The following NRG1 variants were observed in gnomAD, a reference collection of about 807,000 sequenced individuals.
NRG1 encodes the protein pro-neuregulin-1, membrane-bound isoform.
In NRG1, 18 loss-of-function variants were observed where a neutral mutation model predicts 63.8. The observed-to-expected ratio is 0.28, with a 90% CI of 0.19 to 0.42. NRG1 has a LOEUF of 0.42. NRG1 is among the 10% of genes least tolerant of loss of function. The pLI is 1.00. For synonymous variants in NRG1, 302 were observed against 301.3 expected, an observed-to-expected ratio of 1.00 and a Z score of -0.02; for missense variants, 762 against 814.7, an observed-to-expected ratio of 0.94 and a Z score of 0.79.
intron 1 of NRG1, among the ~76,000 whole-genome samples, chr8:32,274,772 T>A (rs1243491915): frequency 6.6e-6 from 1 of 152,186 alleles, no homozygotes; most frequent in African/African-American, 2.4e-5. Flanking sequence ...AATCAAGTTC[T>A]GCTATTTTAA....
intron 1 of NRG1, among the ~76,000 whole-genome samples, chr8:31,870,690 C>G (rs1479509409): frequency 1.3e-5 from 2 of 152,104 alleles, no homozygotes; most frequent in South Asian, 2.1e-4. Context: ...GGGCATTTCT[C>G]AGAGTCACTT....
At chr8:32,703,320 T>G (rs1161739479) in intron 5 of NRG1, among the ~76,000 whole-genome samples, 2 of 152,158 alleles carry the variant, frequency 1.3e-5, no homozygotes, top group Non-Finnish European at 2.9e-5. Flanking sequence ...ATAAATATTA[T>G]TAGTTCCGAA....
chr8:32,047,372 A>T (rs1384148274), intron 1 of NRG1, among the ~76,000 whole-genome samples: 3 of 152,126 alleles, frequency 2.0e-5, no homozygotes, highest in Admixed American at 6.6e-5. Context: ...CTATAAAAAG[A>T]TAAAGGCAGC....
At chr8:32,584,787 A>G (rs1485107306) in intron 1 of NRG1, among the ~76,000 whole-genome samples, 9 of 152,204 alleles carry the variant, frequency 5.9e-5, no homozygotes, top group Admixed American at 4.6e-4. Flanking sequence ...TAGGGAACTA[A>G]TGTTCTTAGA....
intron 1 of NRG1, among the ~76,000 whole-genome samples, chr8:32,433,086 A>G (rs1818356430): frequency 6.6e-6 from 1 of 152,094 alleles, no homozygotes; most frequent in Admixed American, 6.6e-5. Flanking sequence ...TCTGCCCCAC[A>G]GCTATTTTGA....
intron 1 of NRG1, among the ~76,000 whole-genome samples, chr8:32,556,687 G>A (rs990243294): frequency 1.3e-5 from 2 of 152,180 alleles, no homozygotes; most frequent in African/African-American, 2.4e-5. Flanking sequence ...AGGTGAAAAT[G>A]CATCTCATTA....
At chr8:31,794,400 T>C (rs970328134) in intron 1 of NRG1, among the ~76,000 whole-genome samples, 2 of 151,726 alleles carry the variant, frequency 1.3e-5, no homozygotes, top group African/African-American at 4.8e-5. Context: ...TTAGCTGTTA[T>C]AAATGATACA....
At chr8:31,987,357 T>TGTGTGTGTGTGTGA in intron 1 of NRG1, among the ~76,000 whole-genome samples, 1 of 149,336 alleles carries the variant, frequency 6.7e-6, no homozygotes, top group African/African-American at 2.5e-5. Flanking sequence ...TGTATGTGTG[T>TGTGTGTGTGTGTGA]GAAATTATGA....
intron 5 of NRG1, among the ~76,000 whole-genome samples, chr8:32,673,295 T>G (rs2128898867): frequency 6.6e-6 from 1 of 152,336 alleles, no homozygotes; most frequent in East Asian, 1.9e-4. Context: ...CACTATCATA[T>G]AAGAGGGTAG....
Position 32,463,874 on chromosome 8 carries a change from C to CTTTTTTTTTTTTTTTTTTTTTT in NRG1, c.38-131936_38-131915dup, listed in dbSNP as rs756489856. The stretch of plus-strand genomic sequence containing the variant: ...ACACACACGAAAAAAACTTAGAATT[C>CTTTTTTTTTTTTTTTTTTTTTT]TTTTTTTTTTTTTTTTTTTTTTTTT... On this transcript the variant is annotated intron_variant, in intron 1 of 10. Transcript: ENST00000519301. 7.1e-5 allele frequency among the ~76,000 whole-genome samples: 3 copies of CTTTTTTTTTTTTTTTTTTTTTT among 42,338 alleles called. 1 individual carries two copies. The highest frequency in any genetic ancestry group is 2.4e-3 in the East Asian group (2 of 842). The allele number at this position is 42,338 out of a possible 152,430, so 27.8% of individuals were successfully genotyped here.
chr8:32,127,577 TGAG>T (rs1295277044), intron 1 of NRG1, among the ~76,000 whole-genome samples: 4 of 147,682 alleles, frequency 2.7e-5, no homozygotes, highest in Admixed American at 6.8e-5. Context: ...TCAAAAAAAA[TGAG>T]GAGATCTTGG....
intron 1 of NRG1, among the ~76,000 whole-genome samples, chr8:32,306,589 C>A (rs1365067338): frequency 6.6e-6 from 1 of 152,176 alleles, no homozygotes; most frequent in African/African-American, 2.4e-5. Context: ...ATTATGACTG[C>A]AAATACATTA....
intron 1 of NRG1, among the ~76,000 whole-genome samples, chr8:32,520,822 C>A (rs751871521): frequency 5.3e-5 from 8 of 152,144 alleles, no homozygotes; most frequent in Non-Finnish European, 1.0e-4. Context: ...GAAATCTCGC[C>A]CATCCTGTTC....
chr8:32,130,889 A>T (rs1834723172), intron 1 of NRG1, among the ~76,000 whole-genome samples: 1 of 151,974 alleles, frequency 6.6e-6, no homozygotes, highest in South Asian at 2.1e-4. Flanking sequence ...GATGAGTTTC[A>T]GGTCATTACA....
intron 5 of NRG1, among the ~76,000 whole-genome samples, chr8:32,695,459 T>C (rs1813044968): frequency 6.6e-6 from 1 of 152,150 alleles, no homozygotes; most frequent in Non-Finnish European, 1.5e-5. Context: ...AAAAGCAATG[T>C]ACCCTTATCA....
At chr8:32,103,441 A>C (rs749930268) in intron 1 of NRG1, among the ~76,000 whole-genome samples, 15 of 152,198 alleles carry the variant, frequency 9.9e-5, no homozygotes, top group Non-Finnish European at 1.9e-4. Flanking sequence ...GTGTTGATGG[A>C]TACTTAGGTT....
At chr8:31,981,958 G>GTA (rs1385577947) in intron 1 of NRG1, among the ~76,000 whole-genome samples, 3 of 151,782 alleles carry the variant, frequency 2.0e-5, no homozygotes, top group Non-Finnish European at 4.4e-5. Context: ...AATGGTAGAG[G>GTA]TGGTGGGTGA....
intron 1 of NRG1, among the ~76,000 whole-genome samples, chr8:31,659,564 G>C (rs28582431): frequency 0.22 from 33,064 of 151,876 alleles, 4,368 homozygotes; most frequent in East Asian, 0.6. Flanking sequence ...GGAGCTTTTG[G>C]AGAGGGGAAT....
At chr8:32,672,246 A>C (rs1037507362) in intron 5 of NRG1, among the ~76,000 whole-genome samples, 1 of 152,072 alleles carries the variant, frequency 6.6e-6, no homozygotes, top group African/African-American at 2.4e-5. Context: ...GGGTTTCACC[A>C]TATTGGCCAG....
Sources: gnomAD v4.1 joint callset for allele counts (sites outside exome capture counted in the v4.1 genomes callset) on GRCh38, gnomAD v4.1.1 for gene constraint, MANE v1.5 for transcripts, NCBI Gene and HGNC (gene_info 2026-07-23, HGNC 2026-07-21) for gene names.